Variants in GRIN2A observed in about 807,000 individuals in gnomAD.
GRIN2A encodes the protein glutamate receptor ionotropic, NMDA 2A.
A neutral mutation model predicts 113.4 loss-of-function variants in GRIN2A; 22 were observed. That is an observed-to-expected ratio of 0.19 (90% CI 0.14 to 0.28). The LOEUF (loss-of-function observed/expected upper bound fraction) is 0.28, where lower values mean the gene tolerates loss of function less well. GRIN2A is among the 10% of genes least tolerant of loss of function. GRIN2A has a pLI of 1.00. For missense variants in GRIN2A, 1,502 were observed against 1,887.0 expected (o/e 0.80, Z 3.78); for synonymous variants, 827 against 738.4 (o/e 1.12, Z -1.94).
chr16:9,955,965 G>A (rs1244034587), intron 2 of GRIN2A, among the ~76,000 whole-genome samples: 1 of 152,186 alleles, frequency 6.6e-6, no homozygotes, highest in Non-Finnish European at 1.5e-5. Flanking sequence ...CCAGGTGTTA[G>A]GTGCTGGTTC....
intron 3 of GRIN2A, among the ~76,000 whole-genome samples, chr16:9,914,905 C>G (rs866512902): frequency 5.4e-4 from 18 of 33,476 alleles, no homozygotes; most frequent in Admixed American, 2.4e-3. Flanking sequence ...GATTATGCAG[C>G]TTTTTTTTTT....
intron 2 of GRIN2A, among the ~76,000 whole-genome samples, chr16:10,089,536 G>A (rs922346395): frequency 6.6e-6 from 1 of 152,096 alleles, no homozygotes; most frequent in African/African-American, 2.4e-5. Flanking sequence ...AAGGAGTAAT[G>A]ATGAGGTTGA....
At chr16:10,137,119 T>C (rs1567325525) in intron 2 of GRIN2A, among the ~76,000 whole-genome samples, 1 of 152,018 alleles carries the variant, frequency 6.6e-6, no homozygotes, top group African/African-American at 2.4e-5. Context: ...CCCCTGCAGG[T>C]GGGCTAAACC....
At chr16:10,009,874 G>C (rs2046473432) in intron 2 of GRIN2A, among the ~76,000 whole-genome samples, 1 of 152,178 alleles carries the variant, frequency 6.6e-6, no homozygotes. Context: ...CAGACAGAAA[G>C]AAGTCACGTG....
At chr16:10,047,419 C>T (rs985063776) in intron 2 of GRIN2A, among the ~76,000 whole-genome samples, 1 of 152,200 alleles carries the variant, frequency 6.6e-6, no homozygotes, top group Admixed American at 6.5e-5. Context: ...GCCTGGCAAA[C>T]AATTAGTACC....
intron 2 of GRIN2A, among the ~76,000 whole-genome samples, chr16:9,993,354 A>C (rs1476516218): frequency 6.6e-6 from 1 of 152,108 alleles, no homozygotes; most frequent in Non-Finnish European, 1.5e-5. Context: ...GTTCGAGACT[A>C]GTCTAGGCAA....
chr16:9,961,614 T>C (rs376873915), intron 2 of GRIN2A, among the ~76,000 whole-genome samples: 2 of 152,224 alleles, frequency 1.3e-5, no homozygotes, highest in African/African-American at 4.8e-5. Context: ...TCTATATCTT[T>C]GCAATGTATC....
intron 2 of GRIN2A, among the ~76,000 whole-genome samples, chr16:10,140,773 C>A (rs143160494): frequency 6.6e-6 from 1 of 152,118 alleles, no homozygotes; most frequent in Non-Finnish European, 1.5e-5. Context: ...TCTGATGAAG[C>A]GACCAGGAAG....
chr16:10,147,907 G>A lies in GRIN2A; in HGVS notation c.414+32091C>T, dbSNP rs369098193. Among the ~76,000 whole-genome samples the A allele has an allele frequency of 4.6e-5, 7 of 152,262 alleles. No individual in the cohort carries two copies. In the East Asian group the frequency reaches 5.8e-4, roughly 13 times the overall value. ...ACGAACTCTGGTCAGGTGTGGCCAC[G>A]ACGGTGCTACTGAAAGGTATCCTGC... On this transcript the variant is annotated intron_variant, in intron 2 of 12. Coordinates refer to ENST00000330684, the MANE Select transcript of GRIN2A (RefSeq NM_001134407.3).
chr16:10,016,653 T>C (rs988038800), intron 2 of GRIN2A, among the ~76,000 whole-genome samples: 2 of 152,196 alleles, frequency 1.3e-5, no homozygotes. Flanking sequence ...GAAGAATTTA[T>C]TGTAGTTGTG....
intron 2 of GRIN2A, among the ~76,000 whole-genome samples, chr16:10,023,162 G>A (rs1431172273): frequency 6.6e-6 from 1 of 152,194 alleles, no homozygotes; most frequent in Non-Finnish European, 1.5e-5. Flanking sequence ...CACTCAGGCT[G>A]ATCTTAGACC....
At chr16:10,059,962 G>A (rs184896398) in intron 2 of GRIN2A, among the ~76,000 whole-genome samples, 1 of 146,398 alleles carries the variant, frequency 6.8e-6, no homozygotes, top group East Asian at 2.2e-4. Flanking sequence ...ATATCCTAGG[G>A]ATGGAGGAAA....
intron 3 of GRIN2A, among the ~76,000 whole-genome samples, chr16:9,932,794 C>G (rs1023674883): frequency 2.0e-5 from 3 of 152,196 alleles, no homozygotes; most frequent in Admixed American, 2.0e-4. Context: ...CCCCATATTA[C>G]ACCTGAGGGA....
chr16:10,035,117 T>C lies in GRIN2A; in HGVS notation c.415-96566A>G, dbSNP rs1287166195. On this transcript the variant is annotated intron_variant, in intron 2 of 12. Coordinates refer to ENST00000330684, the MANE Select transcript of GRIN2A (RefSeq NM_001134407.3). ...CACAACTCACTACAGCCTTGAACTC[T>C]TGGGCTCCAGTGAACCTCCTGCCTC... Among the ~76,000 whole-genome samples the C allele has an allele frequency of 2.6e-5, 4 of 152,042 alleles. No homozygotes were observed. In the East Asian group the frequency reaches 7.8e-4, roughly 29 times the overall value.
At chr16:9,782,908 T>C (rs1268899291) in intron 11 of GRIN2A, among the ~76,000 whole-genome samples, 2 of 152,234 alleles carry the variant, frequency 1.3e-5, no homozygotes, top group Non-Finnish European at 2.9e-5. Flanking sequence ...GTCTAATTTT[T>C]ATGGTATCAT....
At chr16:9,878,062 T>C (rs934201753) in intron 4 of GRIN2A, among the ~76,000 whole-genome samples, 5 of 152,064 alleles carry the variant, frequency 3.3e-5, no homozygotes, top group Non-Finnish European at 7.4e-5. Context: ...AAATAATCTA[T>C]TTGCTCATTT....
At chr16:10,017,701 C>T (rs2141887099) in intron 2 of GRIN2A, among the ~76,000 whole-genome samples, 1 of 152,222 alleles carries the variant, frequency 6.6e-6, no homozygotes, top group African/African-American at 2.4e-5. Flanking sequence ...ACTGCAAGTA[C>T]AGCAAGGCCA....
rs780378454 is a variant in GRIN2A, at chr16:9,764,801, T to A, written c.2743A>T (p.Met915Leu). ...SSMSNMNSSR[M>L]DSPKRAADFI... ...TCAGCAGCTCTTTTGGGTGAGTCCA[T>A]TCTTGAGGAGTTCATGTTGGACATG... The change falls in exon 13 of 13, where the codon ATG becomes TTG. Residue 915 changes from methionine to leucine, a missense_variant. Physicochemically the swap from Met to Leu is conservative, Grantham distance 15. Transcript: ENST00000330684. The A allele has an allele frequency of 1.2e-6, 2 of 1,614,198 alleles. No homozygotes were observed. The highest frequency in any genetic ancestry group is 1.1e-5 in the South Asian group (1 of 91,086).
intron 2 of GRIN2A, among the ~76,000 whole-genome samples, chr16:9,949,051 G>C (rs1057329709): frequency 6.6e-6 from 1 of 152,092 alleles, no homozygotes; most frequent in Non-Finnish European, 1.5e-5. Flanking sequence ...GGACTAATGT[G>C]GGAGCTCACT....
Sources: allele counts gnomAD v4.1 joint callset (sites outside exome capture counted in the v4.1 genomes callset), GRCh38; gene constraint gnomAD v4.1.1; transcripts MANE v1.5; gene names NCBI Gene and HGNC (gene_info 2026-07-23, HGNC 2026-07-21).